The following NBAS variants were observed in gnomAD, a reference collection of about 807,000 sequenced individuals.
NBAS encodes NAG/BC035112 fusion.
Under a neutral mutation model 302.5 loss-of-function variants are expected in NBAS, and 219 were observed. That is an observed-to-expected ratio of 0.72 (90% CI 0.65 to 0.81). The LOEUF (loss-of-function observed/expected upper bound fraction) is 0.81, where lower values mean the gene tolerates loss of function less well. Among genes scored for constraint, NBAS ranks in the 30% least tolerant of loss-of-function variants. The pLI is 0.00. For synonymous variants in NBAS, 1,118 were observed against 1,021.6 expected, an observed-to-expected ratio of 1.09 and a Z score of -1.80; for missense variants, 2,932 against 2,841.6, an observed-to-expected ratio of 1.03 and a Z score of -0.72.
At chr2:15,069,550 G>C in the NBAS span, among the ~76,000 whole-genome samples, 84,143 of 150,894 alleles carry the variant, frequency 0.56, 24,697 homozygotes, top group East Asian at 0.69. Flanking sequence ...TGGTTTCAGT[G>C]GGGCTCAAAA....
At chr2:15,084,705 G>A in the NBAS span, among the ~76,000 whole-genome samples, 2 of 150,766 alleles carry the variant, frequency 1.3e-5, no homozygotes, top group African/African-American at 5.0e-5. Flanking sequence ...GTTCCTTATG[G>A]AGGAATTCAC....
At chr2:14,821,005 C>T in the NBAS span, among the ~76,000 whole-genome samples, 2 of 151,992 alleles carry the variant, frequency 1.3e-5, no homozygotes, top group African/African-American at 4.8e-5. Flanking sequence ...TCTTGGCTCA[C>T]CGCAAGCTCC....
chr2:15,475,682 C>G lies in NBAS; in HGVS notation c.1341+5G>C. The G allele has an allele frequency of 6.2e-7, 1 of 1,613,750 alleles. No homozygotes were observed. The highest frequency in any genetic ancestry group is 1.1e-5 in the South Asian group (1 of 91,056). ...TATTCTCAAACAAACAGGAAAAAGC[C>G]TTACCTCCAAACTTAAAAATCCCCC... On this transcript the variant is annotated splice_donor_5th_base_variant and intron_variant, in intron 14 of 51. Transcript: ENST00000281513.
intron 36 of NBAS, among the ~76,000 whole-genome samples, chr2:15,329,503 T>C (rs1187332769): frequency 6.6e-6 from 1 of 152,202 alleles, no homozygotes; most frequent in Non-Finnish European, 1.5e-5. Flanking sequence ...ATGAGCATAG[T>C]AAAAGTAAAG....
chr2:14,913,438 A>G, the NBAS span, among the ~76,000 whole-genome samples: 1,679 of 152,316 alleles, frequency 0.011, 45 homozygotes, highest in African/African-American at 0.038. Flanking sequence ...CTGAAATCAT[A>G]AAGGCCTAAA....
chr2:14,833,623 G>A, the NBAS span, among the ~76,000 whole-genome samples: 1 of 151,880 alleles, frequency 6.6e-6, no homozygotes, highest in Non-Finnish European at 1.5e-5. Context: ...GTAGGATACT[G>A]TCTCCTTATT....
the NBAS span, among the ~76,000 whole-genome samples, chr2:14,988,110 T>C: frequency 6.2e-4 from 94 of 152,256 alleles, no homozygotes; most frequent in African/African-American, 1.8e-3. Flanking sequence ...CCTGAAAACA[T>C]TGTTGTGGAA....
At chr2:15,311,692 C>G (rs751661062) in intron 38 of NBAS, among the ~76,000 whole-genome samples, 1 of 152,200 alleles carries the variant, frequency 6.6e-6, no homozygotes, top group Admixed American at 6.5e-5. Flanking sequence ...TGCTTCTCAA[C>G]GAGCACTCAG....
At chr2:15,539,146 TCA>T in intron 7 of NBAS, 75 bp downstream of exon 7, 3 of 1,577,794 alleles carry the variant, frequency 1.9e-6, no homozygotes, top group Non-Finnish European at 2.6e-6. Context: ...ATCCCCCCCT[TCA>T]CACTCTTTTA....
Position 15,186,822 on chromosome 2 carries a change from C to G in NBAS, c.6631G>C (p.Glu2211Gln), listed in dbSNP as rs747110409. Residue 2211 changes from glutamate (E) to glutamine (Q), a missense_variant, in exon 50 of 52, where the codon GAG becomes CAG. Coordinates refer to ENST00000281513, the MANE Select transcript of NBAS (RefSeq NM_015909.4). ...TCATTCCCCAATCCTTCCTTGTTCT[C>G]CATCGTACATCTGGTTAGCATCACT... The part of the protein sequence containing the change: ...ATVMLTRCTM[E>Q]NKEGLGNEVL... The G allele has an allele frequency of 1.1e-5, 17 of 1,613,784 alleles. No individual in the cohort carries two copies. The highest frequency in any genetic ancestry group is 1.6e-4 in the Middle Eastern group (1 of 6,082).
chr2:14,799,169 T>G, the NBAS span, among the ~76,000 whole-genome samples: 793 of 152,214 alleles, frequency 5.2e-3, 4 homozygotes, highest in African/African-American at 0.018. Context: ...TCTTCTTATT[T>G]CATGAAATAG....
chr2:14,815,942 T>A, the NBAS span, among the ~76,000 whole-genome samples: 1 of 152,178 alleles, frequency 6.6e-6, no homozygotes, highest in Non-Finnish European at 1.5e-5. Context: ...AATACTAAAA[T>A]TTTTACATCC....
the NBAS span, among the ~76,000 whole-genome samples, chr2:14,952,927 T>G: frequency 6.6e-6 from 1 of 151,608 alleles, no homozygotes; most frequent in Non-Finnish European, 1.5e-5. Context: ...ACTCAGGGAG[T>G]CTGGAGCATG....
intron 32 of NBAS, among the ~76,000 whole-genome samples, chr2:15,365,090 T>C (rs1206994299): frequency 6.6e-6 from 1 of 152,224 alleles, no homozygotes; most frequent in Non-Finnish European, 1.5e-5. Context: ...GCATAATTAC[T>C]TGTTTCCCTA....
the NBAS span, among the ~76,000 whole-genome samples, chr2:14,891,323 T>C: frequency 1.3e-5 from 2 of 151,974 alleles, no homozygotes; most frequent in East Asian, 1.9e-4. Flanking sequence ...ATTAAAGTGC[T>C]TTAAAATGTT....
chr2:14,868,315 T>G, the NBAS span, among the ~76,000 whole-genome samples: 1 of 152,202 alleles, frequency 6.6e-6, no homozygotes, highest in African/African-American at 2.4e-5. Context: ...GATCAGGTAT[T>G]TCTTATTATG....
At chr2:15,181,437 G>A (rs1412128436) in intron 50 of NBAS, among the ~76,000 whole-genome samples, 1 of 152,170 alleles carries the variant, frequency 6.6e-6, no homozygotes, top group Non-Finnish European at 1.5e-5. Context: ...CTATCTTTAA[G>A]TGCTAAATCC....
the NBAS span, among the ~76,000 whole-genome samples, chr2:14,946,504 T>G: frequency 3.3e-5 from 5 of 152,134 alleles, no homozygotes; most frequent in Non-Finnish European, 5.9e-5. Flanking sequence ...ATTATGAATA[T>G]CTATATACCC....
At chr2:14,917,007 C>G in the NBAS span, among the ~76,000 whole-genome samples, 1 of 152,214 alleles carries the variant, frequency 6.6e-6, no homozygotes, top group South Asian at 2.1e-4. Context: ...CATGTGCTGA[C>G]TGGACCAAGG....
Sources: gnomAD v4.1 joint callset for allele counts (sites outside exome capture counted in the v4.1 genomes callset) on GRCh38, gnomAD v4.1.1 for gene constraint, MANE v1.5 for transcripts, NCBI Gene and HGNC (gene_info 2026-07-23, HGNC 2026-07-21) for gene names.